INTS1: variants seen among roughly 807,000 people sequenced by gnomAD.
INTS1 encodes integrator complex subunit 1.
Under a neutral mutation model 241.6 loss-of-function variants are expected in INTS1, and 137 were observed. The observed-to-expected ratio is 0.57, with a 90% CI of 0.49 to 0.65. INTS1 has a LOEUF of 0.65. INTS1 is among the 30% of genes least tolerant of loss of function. The pLI is 0.00. For missense variants in INTS1, 3,073 were observed against 3,032.2 expected (o/e 1.01, Z -0.32); for synonymous variants, 1,692 against 1,337.8 (o/e 1.26, Z -5.78).
Position 1,486,964 on chromosome 7 carries a change from G to T in INTS1, c.2784C>A (p.Asp928Glu), listed in dbSNP as rs1001323423. ...AVDDAASGEE[D>E]DEGESKEQKA... is the part of the protein sequence containing the mutation. ...TCTGCTCCTTGCTCTCGCCCTCGTCGTCCTCCTCCCCGGAAGCAGCATCGT... is the reference window on the plus strand; with the variant it reads ...TCTGCTCCTTGCTCTCGCCCTCGTCTTCCTCCTCCCCGGAAGCAGCATCGT... Residue 928 changes from aspartate (D) to glutamate (E), a missense_variant, in exon 21 of 48, where the codon GAC (aspartate) becomes GAA (glutamate). By Grantham distance (45) the Asp-to-Glu change is conservative. Transcript: ENST00000404767. 2 of 1,607,830 alleles carry T rather than the reference G, an allele frequency of 1.2e-6. No individual in the cohort carries two copies. The highest frequency in any genetic ancestry group is 1.7e-5 in the Admixed American group (1 of 59,880).
chr7:1,474,025 G>A (rs1290471533), intron 41 of INTS1, 143 bp downstream of exon 41: 2 of 977,604 alleles, frequency 2.0e-6, no homozygotes, highest in Non-Finnish European at 1.5e-6. Context: ...TCCCAGGGTG[G>A]GAGCTGGTCC....
chr7:1,497,145 T>C lies in INTS1; in HGVS notation c.1595A>G (p.Glu532Gly). The part of the protein sequence containing the change: ...ERKEPQYLEM[E>G]FKERFVVHIT... Reference sequence around the variant, plus strand: ...AGCGGCGAGGGCTGGCACCTTGAACTCCATCTCCAGGTACTGCGGCTCCTT... The same window carrying C: ...AGCGGCGAGGGCTGGCACCTTGAACCCCATCTCCAGGTACTGCGGCTCCTT... Residue 532 changes from glutamate (E) to glycine (G), a missense_variant, in exon 11 of 48, where the codon GAG becomes GGG. Physicochemically the swap from Glu to Gly is moderately conservative, Grantham distance 98. Coordinates refer to ENST00000404767, the MANE Select transcript of INTS1 (RefSeq NM_001080453.3). This position sits in a 1 kb window ranked among gnomAD's most constrained non-coding sequence, Gnocchi z 5.3. 6.2e-7 allele frequency: 1 copy of C among 1,603,912 alleles called. No homozygotes were observed. Among genetic ancestry groups the C allele is most frequent in the Non-Finnish European group, 8.5e-7 (1 of 1,176,650 alleles).
chr7:1,472,168 C>G (rs1261420299), intron 44 of INTS1, 105 bp downstream of exon 44: 1 of 857,734 alleles, frequency 1.2e-6, no homozygotes, highest in East Asian at 2.7e-5. Flanking sequence ...CAGCGTGGGC[C>G]AGGCTCACGC....
In INTS1 at chr7:1,475,958, C is replaced by T; in HGVS notation, c.5492G>A (p.Ser1831Asn). Residue 1831 changes from serine (S) to asparagine (N), a missense_variant, in exon 39 of 48, where the codon AGC (serine) becomes AAC (asparagine). Physicochemically the swap from Ser to Asn is conservative, Grantham distance 46. Coordinates refer to ENST00000404767, the MANE Select transcript of INTS1 (RefSeq NM_001080453.3). ...LLHSEGAASS[S>N]VCKLDGLIHR... ...GAGTTGCGCCCTCACCTTGCAGACG[C>T]TGCTGCTGGCAGCCCCTTCGCTGTG... 1.3e-6 allele frequency: 2 copies of T among 1,540,642 alleles called. No individual in the cohort carries two copies. The highest frequency in any genetic ancestry group is 1.2e-5 in the South Asian group (1 of 83,990).
Position 1,476,835 on chromosome 7 carries a change from G to A in INTS1, c.5022C>T (p.His1674=). The A allele has an allele frequency of 2.5e-6, 4 of 1,613,014 alleles. No individual in the cohort carries two copies. Among genetic ancestry groups the A allele is most frequent in the Non-Finnish European group, 3.4e-6 (4 of 1,179,872 alleles). ...TGCCCAGCAGGACTCGGATGCACTG[G>A]TGCAGTGTGGGCCAGCTGGACTGAT... ...FTHQSSWPTL[H]QCIRVLLGKS... Residue 1674 remains histidine, a synonymous_variant, in exon 36 of 48, where the codon CAC becomes CAT. Transcript: ENST00000404767.
chr7:1,500,088 G>A, intron 4 of INTS1, 67 bp from the exon 5 acceptor site: 1 of 1,596,012 alleles, frequency 6.3e-7, no homozygotes, highest in South Asian at 1.1e-5. Context: ...GGGTGGGCCG[G>A]GAGGGACACT....
At position 1,479,774 on chromosome 7, in the gene INTS1, C is replaced by A. The variant is rs866778467; in HGVS notation, c.4075-90G>T. 4.5e-6 allele frequency: 6 copies of A among 1,333,510 alleles called. No individual in the cohort carries two copies. In the African/African-American group the frequency reaches 6.0e-5, roughly 13 times the overall value. The allele number at this position is 1,333,510 out of a possible 1,614,324, so 82.6% of individuals were successfully genotyped here. A position where few individuals can be genotyped will look rare whatever the true frequency, so the allele number is the denominator to read the frequency against. On this transcript the variant is annotated intron_variant, in intron 30 of 47. Transcript: ENST00000404767. ...GCTAAGCGCCCGGTGCAGCTCCGTG[C>A]CAGAACCGCGTCCCATCGTGTCCCT...
rs1338199180 is a variant in INTS1 at position 1,497,708 on chromosome 7, C to A, written c.1426-394G>T. On this transcript the variant is annotated intron_variant, in intron 10 of 47. Transcript: ENST00000404767. The surrounding 1 kb of genome is among the most constrained non-coding windows in gnomAD (Gnocchi z 5.3). ...AGGATCTGAAAGGACGCACTCCTGT[C>A]TCAAAATGCCAGGCCGCGAAGACTG... Among the ~76,000 whole-genome samples, 3 of 152,234 alleles carry A rather than the reference C, an allele frequency of 2.0e-5. No homozygotes were observed. In the South Asian group the frequency reaches 6.2e-4, roughly 31 times the overall value.
chr7:1,494,764 C>A (rs958335183), intron 14 of INTS1, 52 bp downstream of exon 14: 1 of 1,534,124 alleles, frequency 6.5e-7, no homozygotes. Flanking sequence ...CCCGGCACCC[C>A]GCAGCCCCGC....
chr7:1,486,926 C>G lies in INTS1; in HGVS notation c.2822G>C (p.Arg941Pro). 6.2e-7 allele frequency: 1 copy of G among 1,600,962 alleles called. No individual in the cohort carries two copies. Among genetic ancestry groups the G allele is most frequent in the Non-Finnish European group, 8.5e-7 (1 of 1,177,310 alleles). The change falls in exon 21 of 48, where the codon CGG becomes CCG. Residue 941 changes from arginine (R) to proline (P), a missense_variant. By Grantham distance (103) the Arg-to-Pro change is moderately radical. Coordinates refer to ENST00000404767, the MANE Select transcript of INTS1 (RefSeq NM_001080453.3). ...TGAGGGGTGGGCGGCCCTGACCTGC[C>G]GCTTCTTGGCCTTCTGCTCCTTGCT... ...GESKEQKAKK[R>P]QRQQKQRQLL...
In INTS1 at chr7:1,474,587, T is replaced by C. The variant is rs1355304114; in HGVS notation, c.5636+118A>G. ...ACTTCCCCCGGTCAAGCTCAGCCCA[T>C]GGGAACATGCTTTTTTTTGTTGTTT... On this transcript the variant is annotated intron_variant, in intron 40 of 47. Transcript: ENST00000404767. 8.7e-6 allele frequency: 12 copies of C among 1,380,734 alleles called. 1 individual carries two copies. The South Asian group carries it at 1.6e-4, about 18-fold the overall frequency. The allele number at this position is 1,380,734 out of a possible 1,614,324, so 85.5% of individuals were successfully genotyped here.
intron 16 of INTS1, 27 bp from the exon 17 acceptor site, chr7:1,489,709 G>C: frequency 1.4e-6 from 2 of 1,440,846 alleles, no homozygotes; most frequent in Non-Finnish European, 1.9e-6. Context: ...CCCCGACTCA[G>C]GCCCAGCGCA....
intron 2 of INTS1, 41 bp downstream of exon 2, chr7:1,503,862 C>G: frequency 2.0e-6 from 3 of 1,503,796 alleles, no homozygotes; most frequent in Non-Finnish European, 2.7e-6. Flanking sequence ...CCCAAAGACC[C>G]CCAAAGACCC....
chr7:1,491,372 G>C (rs567392156), intron 16 of INTS1, among the ~76,000 whole-genome samples: 1 of 152,286 alleles, frequency 6.6e-6, no homozygotes, highest in East Asian at 1.9e-4. Context: ...AGCGGTGCCG[G>C]GACAGCTGGA....
In INTS1 at chr7:1,472,340, G is replaced by T; in HGVS notation, c.6117C>A (p.Phe2039Leu). 1 of 1,574,162 alleles carries T rather than the reference G, an allele frequency of 6.4e-7. No individual in the cohort carries two copies. Among genetic ancestry groups the T allele is most frequent in the South Asian group, 1.2e-5 (1 of 85,838 alleles). The change falls in exon 44 of 48, where the codon TTC becomes TTA. Residue 2039 changes from phenylalanine to leucine, a missense_variant. Physicochemically the swap from Phe to Leu is conservative, Grantham distance 22. Coordinates refer to ENST00000404767, the MANE Select transcript of INTS1 (RefSeq NM_001080453.3). ...CCATCTCGGCCGCGGTCAGAGGGGT[G>T]AACAGGGAGACGCTGACCAGGGGCA... The part of the protein sequence containing the change: ...GSLPLVSVSL[F>L]TPLTAAEMAP...
At chr7:1,498,947 C>CCCCCCCCCCCCCCCCCCGCG in intron 8 of INTS1, 28 bp downstream of exon 8, 1 of 1,339,472 alleles carries the variant, frequency 7.5e-7, no homozygotes, top group Non-Finnish European at 1.0e-6. Context: ...CCCCCTGCCC[C>CCCCCCCCCCCCCCCCCCGCG]GCCCACCCCC....
rs1448231643 is a variant in INTS1 at position 1,470,940 on chromosome 7, G to A, written c.6363C>T (p.Phe2121=). The part of the protein sequence containing the change: ...MQNSPSIAAA[F]LPTFMYCLGS... ...CCAGGCAGTACATGAACGTGGGCAGGAAAGCGGCTGCAATGCTGAAAGACC... is the reference window on the plus strand; with the variant it reads ...CCAGGCAGTACATGAACGTGGGCAGAAAAGCGGCTGCAATGCTGAAAGACC... Residue 2121 remains phenylalanine, a synonymous_variant, in exon 47 of 48, where the codon TTC becomes TTT. Transcript: ENST00000404767. 6.4e-7 allele frequency: 1 copy of A among 1,568,982 alleles called. No individual in the cohort carries two copies. Among genetic ancestry groups the A allele is most frequent in the East Asian group, 2.4e-5 (1 of 42,026 alleles).
Position 1,481,451 on chromosome 7 carries a change from G to A in INTS1, c.3741C>T (p.Phe1247=), listed in dbSNP as rs762359836. Residue 1247 remains phenylalanine, a synonymous_variant, in exon 28 of 48, where the codon TTC becomes TTT. Transcript: ENST00000404767. The surrounding 1 kb of genome is among the most constrained non-coding windows in gnomAD (Gnocchi z 6.8). The part of the protein sequence containing the change: ...QDLEPQQLLL[F]VQSFGIPVSS... ...ACACGGGGATGCCAAACGACTGCAC[G>A]AACAGCAGCAGCTGCTGCGGCTCCA... The A allele has an allele frequency of 1.2e-5, 20 of 1,611,580 alleles. No individual in the cohort carries two copies. Among genetic ancestry groups the A allele is most frequent in the Admixed American group, 1.2e-4 (7 of 59,990 alleles).
rs894408004 is a variant in INTS1, at chr7:1,476,057, C to T, written c.5393G>A (p.Arg1798His). 23 of 1,543,950 alleles carry T rather than the reference C, an allele frequency of 1.5e-5. No individual in the cohort carries two copies. Among genetic ancestry groups the T allele is most frequent in the Non-Finnish European group, 1.7e-5 (20 of 1,146,392 alleles). Residue 1798 changes from arginine to histidine, a missense_variant, in exon 39 of 48, where the codon CGC becomes CAC. Arg to His is a conservative substitution (Grantham distance 29). Coordinates refer to ENST00000404767, the MANE Select transcript of INTS1 (RefSeq NM_001080453.3). Reference protein sequence around the residue: ...QQWGDSVLGRRCRDLLLQLYL... With the variant: ...QQWGDSVLGRHCRDLLLQLYL... The stretch of plus-strand genomic sequence containing the variant: ...GAGCTGCAGGAGAAGGTCTCGGCAG[C>T]GCCTGCCCAGCACGCTGGAAGAGGT...
Sources: allele counts gnomAD v4.1 joint callset (sites outside exome capture counted in the v4.1 genomes callset), GRCh38; gene constraint gnomAD v4.1.1; non-coding constraint Gnocchi (gnomAD v3.1); transcripts MANE v1.5; gene names NCBI Gene and HGNC (gene_info 2026-07-23, HGNC 2026-07-21).